FARP1: variants seen among roughly 807,000 people sequenced by gnomAD.
The protein encoded by FARP1 is FERM, ARH/RhoGEF and pleckstrin domain protein 1.
Under a neutral mutation model 128.8 loss-of-function variants are expected in FARP1, and 52 were observed. The ratio of observed to expected loss-of-function variants is 0.40; its 90% CI spans 0.32 to 0.51. FARP1 has a LOEUF of 0.51. Among genes scored for constraint, FARP1 ranks in the 20% least tolerant of loss-of-function variants. FARP1 has a pLI of 0.45. For missense variants in FARP1, 1,333 were observed against 1,367.9 expected (o/e 0.97, Z 0.40); for synonymous variants, 580 against 551.8 (o/e 1.05, Z -0.72).
chr13:98,333,811 G>A (rs1290366395), intron 2 of FARP1: 1 of 152,040 alleles, frequency 6.6e-6, no homozygotes, highest in South Asian at 2.1e-4. Flanking sequence ...CAGAATGAAA[G>A]CCTTGTTCCA....
At chr13:98,262,839 T>C (rs1883944438) in intron 2 of FARP1, among the ~76,000 whole-genome samples, 1 of 151,952 alleles carries the variant, frequency 6.6e-6, no homozygotes, top group Non-Finnish European at 1.5e-5. Flanking sequence ...TTCATTAGAG[T>C]GTGGAGGTAT....
Position 98,440,666 on chromosome 13 carries a change from G to A in FARP1, c.2630-4G>A. 1 of 1,611,438 alleles carries A rather than the reference G, an allele frequency of 6.2e-7. No homozygotes were observed. Among genetic ancestry groups the A allele is most frequent in the Non-Finnish European group, 8.5e-7 (1 of 1,178,910 alleles). ...GAAGTGCTGCCTTTTGCCCCATCCT[G>A]TAGAGTCCCCTGATGAAGCCACCGC... On this transcript the variant is annotated splice_region_variant and splice_polypyrimidine_tract_variant and intron_variant, in intron 23 of 26. Coordinates refer to ENST00000319562, the MANE Select transcript of FARP1 (RefSeq NM_005766.4).
chr13:98,418,313 C>A (rs1261976713), intron 16 of FARP1, among the ~76,000 whole-genome samples: 1 of 151,428 alleles, frequency 6.6e-6, no homozygotes, highest in Admixed American at 6.6e-5. Context: ...TTCCCTCTGT[C>A]ACCCAGGATA....
At chr13:98,170,083 CT>C (rs1373538475) in intron 1 of FARP1, among the ~76,000 whole-genome samples, 1 of 152,026 alleles carries the variant, frequency 6.6e-6, no homozygotes, top group East Asian at 1.9e-4. Context: ...AGCTATTGGC[CT>C]TTTTTCCATA....
intron 2 of FARP1, among the ~76,000 whole-genome samples, chr13:98,331,989 C>T (rs966304721): frequency 6.6e-6 from 1 of 152,154 alleles, no homozygotes; most frequent in Non-Finnish European, 1.5e-5. Flanking sequence ...TCTACCCTCC[C>T]CACACCCACC....
In FARP1 at chr13:98,368,114, T is replaced by A; in HGVS notation, c.320-3T>A. On this transcript the variant is annotated splice_polypyrimidine_tract_variant and splice_region_variant and intron_variant, in intron 4 of 26. Transcript: ENST00000319562. ...CTTTACTTCTTTTTTTCTTCTTCTT[T>A]AGGGCCAAAGCACGTTGTTGTTAAG... 6.2e-7 allele frequency: 1 copy of A among 1,612,366 alleles called. No homozygotes were observed. The highest frequency in any genetic ancestry group is 1.1e-5 in the South Asian group (1 of 90,788).
intron 1 of FARP1, among the ~76,000 whole-genome samples, chr13:98,165,884 A>AT (rs1274266832): frequency 1.3e-5 from 2 of 151,454 alleles, no homozygotes; most frequent in South Asian, 2.1e-4. Context: ...CGCCTGGCTA[A>AT]TTTTTTTGTA....
rs540974497 is a variant in FARP1 at position 98,380,425 on chromosome 13, T to A, written c.496+2507T>A. ...CTGGGCGACAGAGTGAGACTCTGTC[T>A]AAAAAAAAAAAAAGAAGAAGAGTGG... is the stretch of plus-strand genomic sequence containing the variant. On this transcript the variant is annotated intron_variant, in intron 6 of 26. Transcript: ENST00000319562. Among the ~76,000 whole-genome samples, 385 of 134,204 alleles carry A rather than the reference T, an allele frequency of 2.9e-3. 2 individuals are homozygous for A. The highest frequency in any genetic ancestry group is 9.0e-3 in the Admixed American group (120 of 13,316). The allele number at this position is 134,204 out of a possible 152,430, so 88.0% of individuals were successfully genotyped here.
intron 1 of FARP1, among the ~76,000 whole-genome samples, chr13:98,185,788 C>T (rs762143699): frequency 6.6e-6 from 1 of 152,062 alleles, no homozygotes; most frequent in Non-Finnish European, 1.5e-5. Flanking sequence ...ACCTCCGCCT[C>T]CTGGGTTCAA....
At chr13:98,353,929 C>T (rs1464696486) in intron 3 of FARP1, among the ~76,000 whole-genome samples, 9 of 152,018 alleles carry the variant, frequency 5.9e-5, no homozygotes, top group Non-Finnish European at 1.0e-4. Context: ...ATGAGTCATT[C>T]GAAGCTAATG....
At chr13:98,383,590 A>G (rs1354767186) in intron 6 of FARP1, 5 of 152,242 alleles carry the variant, frequency 3.3e-5, no homozygotes. Flanking sequence ...TCATAGCAAC[A>G]GTTCCCTTGG....
At chr13:98,211,359 G>A (rs1041910743) in intron 1 of FARP1, among the ~76,000 whole-genome samples, 4 of 152,186 alleles carry the variant, frequency 2.6e-5, no homozygotes, top group African/African-American at 9.7e-5. Flanking sequence ...CGCATGCGAG[G>A]GATCTAGATT....
chr13:98,444,941 C>A lies in FARP1; in HGVS notation c.2797-1157C>A, dbSNP rs576459644. 2.6e-5 allele frequency among the ~76,000 whole-genome samples: 4 copies of A among 152,238 alleles called. No homozygotes were observed. In the South Asian group the frequency reaches 8.3e-4, roughly 31 times the overall value. On this transcript the variant is annotated intron_variant, in intron 24 of 26. Transcript: ENST00000319562. Reference sequence around the variant, plus strand: ...CCTGGAGCCTTGCATTTTCTTGTTCCTTTCTGCCACTGGGGGAGGAGGATG... The same window carrying A: ...CCTGGAGCCTTGCATTTTCTTGTTCATTTCTGCCACTGGGGGAGGAGGATG...
chr13:98,316,619 A>C (rs1886732145), intron 2 of FARP1, among the ~76,000 whole-genome samples: 1 of 152,212 alleles, frequency 6.6e-6, no homozygotes, highest in South Asian at 2.1e-4. Flanking sequence ...CTCCCAAGTC[A>C]TCTTCATCCT....
At chr13:98,324,157 GT>G (rs1887127850) in intron 2 of FARP1, among the ~76,000 whole-genome samples, 1 of 152,184 alleles carries the variant, frequency 6.6e-6, no homozygotes, top group South Asian at 2.1e-4. Context: ...GCTGTGAAAT[GT>G]TTTCTAAATT....
chr13:98,178,270 A>C (rs1343180171), intron 1 of FARP1, among the ~76,000 whole-genome samples: 1 of 140,252 alleles, frequency 7.1e-6, no homozygotes, highest in African/African-American at 2.7e-5. Flanking sequence ...ATCCCGGCTC[A>C]CTGCAACCTC....
chr13:98,169,146 A>C (rs1165427260), intron 1 of FARP1, among the ~76,000 whole-genome samples: 1 of 152,108 alleles, frequency 6.6e-6, no homozygotes, highest in Non-Finnish European at 1.5e-5. Context: ...CTGATCTCTA[A>C]GCCATATATA....
chr13:98,264,746 C>T (rs941522664), intron 2 of FARP1, among the ~76,000 whole-genome samples: 3 of 152,118 alleles, frequency 2.0e-5, no homozygotes, highest in Admixed American at 6.5e-5. Context: ...GTAAGAATTA[C>T]TATTCAATAG....
At chr13:98,177,141 G>A (rs1878133372) in intron 1 of FARP1, 1 of 1,606,266 alleles carries the variant, frequency 6.2e-7, no homozygotes, top group South Asian at 1.1e-5. Context: ...GCTTTCTGAG[G>A]CCTGCAGCCC....
Sources: gnomAD v4.1 joint callset for allele counts (sites outside exome capture counted in the v4.1 genomes callset) on GRCh38, gnomAD v4.1.1 for gene constraint, MANE v1.5 for transcripts, NCBI Gene and HGNC (gene_info 2026-07-23, HGNC 2026-07-21) for gene names.